Variants in ENTPD1 observed in about 807,000 individuals in gnomAD.
ENTPD1 encodes ATP diphosphohydrolase.
Under a neutral mutation model 57.0 loss-of-function variants are expected in ENTPD1, and 33 were observed. The ratio of observed to expected loss-of-function variants is 0.58; its 90% CI spans 0.44 to 0.77. The LOEUF (loss-of-function observed/expected upper bound fraction) is 0.77, where lower values mean the gene tolerates loss of function less well. ENTPD1 is among the 30% of genes least tolerant of loss of function. ENTPD1 has a pLI of 0.00. For synonymous variants in ENTPD1, 202 were observed against 218.8 expected, an observed-to-expected ratio of 0.92 and a Z score of 0.68; for missense variants, 501 against 603.4, an observed-to-expected ratio of 0.83 and a Z score of 1.78.
At chr10:95,797,721 G>A (rs1428319911) in intron 1 of ENTPD1, among the ~76,000 whole-genome samples, 3 of 152,154 alleles carry the variant, frequency 2.0e-5, no homozygotes, top group Admixed American at 2.0e-4. Context: ...CTAACAGAAC[G>A]AGAACTCGCT....
In ENTPD1 at chr10:95,877,024, G is replaced by T. The variant is rs2098486412; in HGVS notation, c.*10641G>T. Among the ~76,000 whole-genome samples the T allele has an allele frequency of 6.6e-6, 1 of 152,144 alleles. No homozygotes were observed. The highest frequency in any genetic ancestry group is 2.4e-5 in the African/African-American group (1 of 41,430). On this transcript the variant is annotated 3_prime_UTR_variant, in exon 10 of 10. Coordinates refer to ENST00000371205, the MANE Select transcript of ENTPD1 (RefSeq NM_001776.6). ...AATGGAAGTAGGAGACATTTTGCAG[G>T]CCCCCTTCATCCTGCAGGGAGAACC...
At chr10:95,817,506 T>G (rs142380684) in intron 1 of ENTPD1, among the ~76,000 whole-genome samples, 57 of 152,324 alleles carry the variant, frequency 3.7e-4, no homozygotes, top group African/African-American at 1.3e-3. Context: ...ACTTTAGAAG[T>G]AAGTCACATC....
At chr10:95,835,626 A>C (rs2098407891) in intron 2 of ENTPD1, among the ~76,000 whole-genome samples, 1 of 152,218 alleles carries the variant, frequency 6.6e-6, no homozygotes, top group African/African-American at 2.4e-5. Context: ...CTTAATAGCC[A>C]TTCTGACTGG....
At chr10:95,822,489 G>T (rs1043775516) in intron 1 of ENTPD1, among the ~76,000 whole-genome samples, 1 of 151,800 alleles carries the variant, frequency 6.6e-6, no homozygotes, top group Admixed American at 6.6e-5. Flanking sequence ...TAGAGATGGG[G>T]TTTCACCATA....
intron 2 of ENTPD1, among the ~76,000 whole-genome samples, chr10:95,826,487 C>T (rs2098377054): frequency 6.7e-6 from 1 of 149,902 alleles, no homozygotes; most frequent in African/African-American, 2.5e-5. Context: ...GTGCGAGAAT[C>T]ACTTGGGCCC....
upstream of ENTPD1, among the ~76,000 whole-genome samples, chr10:95,751,602 C>T (rs1446374149): frequency 1.3e-5 from 2 of 151,874 alleles, no homozygotes; most frequent in African/African-American, 4.8e-5. Flanking sequence ...GCAATCCCAG[C>T]TACTCAGGAG....
chr10:95,756,458 G>C, intron 1 of ENTPD1: 2 of 628,248 alleles, frequency 3.2e-6, no homozygotes, highest in Non-Finnish European at 5.6e-6. Context: ...TGCAGTCAAG[G>C]GTGGCTCTAG....
At chr10:95,717,598 C>A (rs2097972959) in intron 1 of ENTPD1, among the ~76,000 whole-genome samples, 1 of 152,146 alleles carries the variant, frequency 6.6e-6, no homozygotes, top group African/African-American at 2.4e-5. Flanking sequence ...GTTGCAAGCC[C>A]CGTGTTTAAA....
At chr10:95,732,112 G>A (rs542537493) in intron 1 of ENTPD1, among the ~76,000 whole-genome samples, 42 of 152,160 alleles carry the variant, frequency 2.8e-4, no homozygotes, top group Non-Finnish European at 5.4e-4. Flanking sequence ...AACTGCAACA[G>A]AGGCATGCTT....
chr10:95,868,520 T>C lies in ENTPD1; in HGVS notation c.*2137T>C. 1.0e-6 allele frequency: 1 copy of C among 985,400 alleles called. No individual in the cohort carries two copies. Among genetic ancestry groups the C allele is most frequent in the Non-Finnish European group, 1.2e-6 (1 of 829,932 alleles). 61.0% of individuals were successfully genotyped at this position (985,400 alleles called of 1,614,324 possible). The stretch of plus-strand genomic sequence containing the variant: ...AAATAGTGGCCGATGATGATGAAAA[T>C]AAAGGTCAAATAAGTTGAGCCAATA... On this transcript the variant is annotated 3_prime_UTR_variant, in exon 10 of 10. Transcript: ENST00000371205.
chr10:95,718,041 T>C (rs1334061329), intron 1 of ENTPD1, among the ~76,000 whole-genome samples: 1 of 152,150 alleles, frequency 6.6e-6, no homozygotes, highest in African/African-American at 2.4e-5. Context: ...AAGTGGGGTT[T>C]CCTTTAGAAA....
chr10:95,784,383 T>G (rs2140210851), intron 1 of ENTPD1, among the ~76,000 whole-genome samples: 1 of 152,282 alleles, frequency 6.6e-6, no homozygotes, highest in African/African-American at 2.4e-5. Flanking sequence ...GCACTGTCTC[T>G]CACCAGCAGC....
upstream of ENTPD1, chr10:95,754,330 A>G (rs2098017340): frequency 6.7e-6 from 1 of 149,686 alleles, no homozygotes; most frequent in Non-Finnish European, 1.5e-5. Flanking sequence ...AAAAAAAAAG[A>G]ACCTAATATC....
Position 95,845,483 on chromosome 10 carries a change from G to T in ENTPD1, c.700G>T (p.Asp234Tyr), listed in dbSNP as rs757414805. 1.2e-6 allele frequency: 2 copies of T among 1,614,226 alleles called. No individual in the cohort carries two copies. The highest frequency in any genetic ancestry group is 1.7e-6 in the Non-Finnish European group (2 of 1,180,034). ...VPQNQTIESP[D>Y]NALQFRLYGK... The stretch of plus-strand genomic sequence containing the variant: ...CCAAAACCAGACTATCGAGTCCCCA[G>T]ATAATGCTCTGCAATTTCGCCTCTA... Residue 234 changes from aspartate (D) to tyrosine (Y), a missense_variant, in exon 6 of 10, where the codon GAT (aspartate) becomes TAT (tyrosine). By Grantham distance (160) the Asp-to-Tyr change is radical (BLOSUM62 -3). Transcript: ENST00000371205.
intron 3 of ENTPD1, 95 bp from the exon 4 acceptor site, chr10:95,842,249 A>T (rs755081054): frequency 4.2e-6 from 5 of 1,180,578 alleles, no homozygotes; most frequent in Non-Finnish European, 6.1e-6. Context: ...GTTTTCTTGT[A>T]TTTTTTTCAA....
In ENTPD1 at chr10:95,870,223, A is replaced by T. The variant is rs993745725; in HGVS notation, c.*3840A>T. On this transcript the variant is annotated 3_prime_UTR_variant, in exon 10 of 10. Transcript: ENST00000371205. ...GAGACCTTGGGAAAGTTTCATCTGG[A>T]TTTAAAGATTAATTCTTGATGCTTA... 6.0e-5 allele frequency: 59 copies of T among 985,334 alleles called. 1 individual carries two copies. Among genetic ancestry groups the T allele is most frequent in the Non-Finnish European group, 6.7e-5 (56 of 829,946 alleles). The allele number at this position is 985,334 out of a possible 1,614,324, so 61.0% of individuals were successfully genotyped here.
At chr10:95,738,153 C>T (rs767221628) in intron 1 of ENTPD1, among the ~76,000 whole-genome samples, 37 of 152,126 alleles carry the variant, frequency 2.4e-4, no homozygotes, top group African/African-American at 3.6e-4. Context: ...TAAATGATTG[C>T]GTGAATGATG....
rs202051610 is a variant in ENTPD1 at position 95,866,319 on chromosome 10, C to T, written c.1469C>T (p.Thr490Ile). ...LMVLFSLVLF[T>I]VAIIGLLIFH... ...GTTCTATTCTCCCTGGTCCTTTTCA[C>T]AGTGGCCATCATAGGCTTGCTTATC... Residue 490 changes from threonine to isoleucine, a missense_variant, in exon 10 of 10, where the codon ACA becomes ATA. Coordinates refer to ENST00000371205, the MANE Select transcript of ENTPD1 (RefSeq NM_001776.6). 3.1e-6 allele frequency: 5 copies of T among 1,614,232 alleles called. No homozygotes were observed. Among genetic ancestry groups the T allele is most frequent in the Middle Eastern group, 1.6e-4 (1 of 6,062 alleles).
the ENTPD1 span, among the ~76,000 whole-genome samples, chr10:95,698,560 A>G: frequency 6.6e-6 from 1 of 152,190 alleles, no homozygotes; most frequent in African/African-American, 2.4e-5. Context: ...AGGCATTTCA[A>G]AGATCTTAGA....
Sources: gnomAD v4.1 joint callset for allele counts (sites outside exome capture counted in the v4.1 genomes callset) on GRCh38, gnomAD v4.1.1 for gene constraint, MANE v1.5 for transcripts, NCBI Gene and HGNC (gene_info 2026-07-23, HGNC 2026-07-21) for gene names.